ATIC: variants seen among roughly 807,000 people sequenced by gnomAD.
ATIC encodes 5-aminoimidazole-4-carboxamide ribonucleotide formyltransferase/IMP cyclohydrolase.
In ATIC, 64 loss-of-function variants were observed where a neutral mutation model predicts 72.5. That is an observed-to-expected ratio of 0.88 (90% CI 0.72 to 1.09). The LOEUF (loss-of-function observed/expected upper bound fraction) is 1.09. Among genes scored for constraint, ATIC ranks in the 50% least tolerant of loss-of-function variants. The pLI is 0.00. For synonymous variants in ATIC, 281 were observed against 267.1 expected (o/e 1.05, Z -0.51); for missense variants, 787 against 732.4 (o/e 1.07, Z -0.86).
chr2:215,365,524 T>TC, the ATIC span: 1 of 1,614,126 alleles, frequency 6.2e-7, no homozygotes, highest in East Asian at 2.2e-5. Context: ...ACTTGAATTC[T>TC]CCTTTTCCGT....
the ATIC span, among the ~76,000 whole-genome samples, chr2:215,368,535 A>G: frequency 2.0e-5 from 3 of 152,246 alleles, no homozygotes; most frequent in Admixed American, 6.5e-5. Context: ...CTTTTCCAAG[A>G]CTTAGAAAAT....
chr2:215,348,459 T>C (rs1047483971), intron 14 of ATIC, among the ~76,000 whole-genome samples: 4 of 150,704 alleles, frequency 2.7e-5, no homozygotes, highest in African/African-American at 9.7e-5. Flanking sequence ...TTAGAGATTT[T>C]AAAACAGTGT....
intron 12 of ATIC, among the ~76,000 whole-genome samples, chr2:215,342,774 G>A: frequency 6.6e-6 from 1 of 152,174 alleles, no homozygotes; most frequent in Non-Finnish European, 1.5e-5. Flanking sequence ...CCGCCTCCCG[G>A]GTTCAAGCGA....
At chr2:215,336,572 T>A (rs905067734) in intron 11 of ATIC, among the ~76,000 whole-genome samples, 14 of 152,266 alleles carry the variant, frequency 9.2e-5, no homozygotes, top group African/African-American at 2.9e-4. Flanking sequence ...TTAAATTTCT[T>A]GCTTATCTTT....
the ATIC span, among the ~76,000 whole-genome samples, chr2:215,355,751 C>T: frequency 6.6e-6 from 1 of 152,224 alleles, no homozygotes; most frequent in Non-Finnish European, 1.5e-5. Context: ...TGTGTCACCA[C>T]CAACCAGGTC....
intron 9 of ATIC, 37 bp from the exon 10 acceptor site, chr2:215,334,882 C>T: frequency 6.5e-7 from 1 of 1,528,618 alleles, no homozygotes; most frequent in Non-Finnish European, 9.1e-7. Flanking sequence ...TATCAGGATA[C>T]TTTGTGATAA....
the ATIC span, among the ~76,000 whole-genome samples, chr2:215,366,717 T>C: frequency 3.2e-4 from 48 of 152,310 alleles, no homozygotes; most frequent in Middle Eastern, 6.8e-3. Flanking sequence ...AACTGTGATA[T>C]CAAAACAAAG....
chr2:215,332,471 C>G lies in ATIC; in HGVS notation c.778C>G (p.Pro260Ala), dbSNP rs767907801. The G allele has an allele frequency of 6.2e-7, 1 of 1,614,094 alleles. No individual in the cohort carries two copies. Among genetic ancestry groups the G allele is most frequent in the South Asian group, 1.1e-5 (1 of 91,082 alleles). ...GGAACTCAAGGAGGCTTTAGGTATT[C>G]CAGCCGCTGCCTCTTTCAAACATGT... Reference protein sequence around the residue: ...VKELKEALGIPAAASFKHVSP... With the variant: ...VKELKEALGIAAAASFKHVSP... Residue 260 changes from proline (P) to alanine (A), a missense_variant, in exon 8 of 16, where the codon CCA becomes GCA. Coordinates refer to ENST00000236959, the MANE Select transcript of ATIC (RefSeq NM_004044.7).
rs148147535 is a variant in ATIC at position 215,326,823 on chromosome 2, C to T, written c.533C>T (p.Ala178Val). 12 of 1,613,842 alleles carry T rather than the reference C, an allele frequency of 7.4e-6. No homozygotes were observed. The highest frequency in any genetic ancestry group is 6.7e-5 in the African/African-American group (5 of 74,872). The change falls in exon 7 of 16, where the codon GCA becomes GTA. Residue 178 changes from alanine (A) to valine (V), a missense_variant and splice_region_variant. Coordinates refer to ENST00000236959, the MANE Select transcript of ATIC (RefSeq NM_004044.7). Reference sequence around the variant, plus strand: ...TCACAAAACTTACGCTTTTTGTAGGCATTCACTCATACGGCACAATATGAT... The same window carrying T: ...TCACAAAACTTACGCTTTTTGTAGGTATTCACTCATACGGCACAATATGAT... ...LETRRQLALK[A>V]FTHTAQYDEA...
chr2:215,324,104 C>A (rs2052797562), intron 4 of ATIC, among the ~76,000 whole-genome samples: 1 of 151,980 alleles, frequency 6.6e-6, no homozygotes, highest in Admixed American at 6.6e-5. Flanking sequence ...ACCATATTGG[C>A]CACGCTGGTC....
intron 11 of ATIC, 57 bp from the exon 12 acceptor site, chr2:215,338,722 T>C: frequency 6.4e-7 from 1 of 1,560,164 alleles, no homozygotes; most frequent in East Asian, 2.3e-5. Context: ...ATAAATTAAA[T>C]GAAAAATTTG....
At position 215,344,849 on chromosome 2, in the gene ATIC, T is replaced by A; in HGVS notation, c.1298T>A (p.Val433Glu). The A allele has an allele frequency of 6.2e-7, 1 of 1,614,080 alleles. No individual in the cohort carries two copies. Among genetic ancestry groups the A allele is most frequent in the Non-Finnish European group, 8.5e-7 (1 of 1,180,014 alleles). ...GTCAAGTACACTCAGTCTAACTCTG[T>A]GTGCTACGCCAAGAACGGGCAGGTA... ...IAVKYTQSNS[V>E]CYAKNGQVIG... Residue 433 changes from valine to glutamate, a missense_variant, in exon 13 of 16, where the codon GTG becomes GAG. Val to Glu is a moderately radical substitution (Grantham distance 121). Coordinates refer to ENST00000236959, the MANE Select transcript of ATIC (RefSeq NM_004044.7).
At chr2:215,349,448 T>G (rs1345277520) in intron 15 of ATIC, 88 bp from the exon 16 acceptor site, 3 of 1,606,046 alleles carry the variant, frequency 1.9e-6, no homozygotes, top group Non-Finnish European at 2.6e-6. Context: ...AGTGTATCTT[T>G]GTTAGCATAT....
chr2:215,326,725 T>C, intron 6 of ATIC, 97 bp from the exon 7 acceptor site: 2 of 1,452,544 alleles, frequency 1.4e-6, no homozygotes, highest in African/African-American at 1.4e-5. Flanking sequence ...TAGCACTGAA[T>C]AGTGAGGAGA....
chr2:215,367,930 T>C, the ATIC span: 27 of 1,613,948 alleles, frequency 1.7e-5, no homozygotes, highest in African/African-American at 1.6e-4. Flanking sequence ...TAAAGCCTGA[T>C]TCAGACATTC....
the ATIC span, chr2:215,361,275 A>G: frequency 1.0e-5 from 4 of 393,622 alleles, no homozygotes; most frequent in South Asian, 1.2e-4. Flanking sequence ...TATTGATCCC[A>G]AACCAAATCT....
At chr2:215,356,120 G>A in the ATIC span, among the ~76,000 whole-genome samples, 7 of 152,304 alleles carry the variant, frequency 4.6e-5, no homozygotes, top group East Asian at 1.9e-4. Context: ...CAATACTGAC[G>A]TCTTAGAGTT....
chr2:215,322,361 C>G (rs1421253163), intron 4 of ATIC, among the ~76,000 whole-genome samples: 1 of 138,478 alleles, frequency 7.2e-6, no homozygotes, highest in East Asian at 2.1e-4. Flanking sequence ...TGGAGTTTCG[C>G]TCTTGTTGCC....
In ATIC at chr2:215,333,435, A is replaced by T. The variant is rs760015676; in HGVS notation, c.900A>T (p.Ser300=). Residue 300 remains serine (S), a synonymous_variant, in exon 9 of 16, where the codon TCA becomes TCT. Coordinates refer to ENST00000236959, the MANE Select transcript of ATIC (RefSeq NM_004044.7). ...TCTATAAAACCCTCACACCCATCTCAGCGGCATATGCAAGAGCAAGAGGTC... is the reference window on the plus strand; with the variant it reads ...TCTATAAAACCCTCACACCCATCTCTGCGGCATATGCAAGAGCAAGAGGTC... ...YDLYKTLTPI[S]AAYARARGAD... 4 of 1,613,910 alleles carry T rather than the reference A, an allele frequency of 2.5e-6. No homozygotes were observed. Among genetic ancestry groups the T allele is most frequent in the Non-Finnish European group, 3.4e-6 (4 of 1,179,930 alleles).
Sources: gnomAD v4.1 joint callset for allele counts (sites outside exome capture counted in the v4.1 genomes callset) on GRCh38, gnomAD v4.1.1 for gene constraint, MANE v1.5 for transcripts, NCBI Gene and HGNC (gene_info 2026-07-23, HGNC 2026-07-21) for gene names.